The following LIMK2 variants were observed in gnomAD, a reference collection of about 807,000 sequenced individuals.
LIMK2 encodes LIM domain kinase 2.
In LIMK2, 35 loss-of-function variants were observed where a neutral mutation model predicts 75.7. That is an observed-to-expected ratio of 0.46 (90% confidence interval 0.35 to 0.61). The LOEUF (loss-of-function observed/expected upper bound fraction) is 0.61, where lower values mean the gene tolerates loss of function less well. LIMK2 is among the 20% of genes least tolerant of loss of function. The pLI is 0.00. For missense variants in LIMK2, 623 were observed against 831.0 expected (o/e 0.75, Z 3.08); for synonymous variants, 301 against 319.2 (o/e 0.94, Z 0.61).
intron 1 of LIMK2, among the ~76,000 whole-genome samples, chr22:31,216,072 A>G (rs1329341671): frequency 2.0e-5 from 3 of 152,228 alleles, no homozygotes; most frequent in Non-Finnish European, 4.4e-5. Context: ...TCAGGGATAA[A>G]TCCATTGAAG....
At position 31,259,183 on chromosome 22, in the gene LIMK2, T is replaced by A. The variant is rs760288597; in HGVS notation, c.315T>A (p.Ile105=). 4 of 1,613,868 alleles carry A rather than the reference T, an allele frequency of 2.5e-6. No individual in the cohort carries two copies. Among genetic ancestry groups the A allele is most frequent in the Non-Finnish European group, 3.4e-6 (4 of 1,179,786 alleles). The part of the protein sequence containing the change: ...CFACMSCKVI[I]EDGDAYALVQ... The stretch of plus-strand genomic sequence containing the variant: ...CCTGTATGAGCTGCAAGGTGATCAT[T>A]GAGGATGGGGATGCATATGCACTGG... Residue 105 remains isoleucine (I), a synonymous_variant, in exon 4 of 16, where the codon ATT becomes ATA. Coordinates refer to ENST00000331728, the MANE Select transcript of LIMK2 (RefSeq NM_005569.4).
chr22:31,272,643 C>T lies in LIMK2; in HGVS notation c.1497C>T (p.Asp499=), dbSNP rs373368062. 2.3e-4 allele frequency: 373 copies of T among 1,613,800 alleles called. No individual in the cohort carries two copies. Among genetic ancestry groups the T allele is most frequent in the Non-Finnish European group, 3.1e-4 (368 of 1,179,966 alleles). ...AGAAACGCACCTTGCGCAAGAACGA[C>T]CGCAAGAAGCGCTACACGGTGGTGG... ...TTKKRTLRKN[D]RKKRYTVVGN... is the part of the protein sequence containing the mutation. The change falls in exon 13 of 16, where the codon GAC becomes GAT. Residue 499 remains aspartate, a synonymous_variant. Transcript: ENST00000331728.
intron 8 of LIMK2, among the ~76,000 whole-genome samples, chr22:31,266,505 C>A (rs1350203633): frequency 6.6e-6 from 1 of 152,128 alleles, no homozygotes; most frequent in African/African-American, 2.4e-5. Context: ...CTCTCTCTTT[C>A]TCTCCTCCTC....
At chr22:31,218,276 G>A (rs943097898) in intron 1 of LIMK2, among the ~76,000 whole-genome samples, 4 of 152,204 alleles carry the variant, frequency 2.6e-5, no homozygotes, top group Admixed American at 6.5e-5. Context: ...GGCAAACAGT[G>A]ACAGATTCAG....
At chr22:31,261,360 A>G (rs575861118) in intron 5 of LIMK2, among the ~76,000 whole-genome samples, 100 of 152,260 alleles carry the variant, frequency 6.6e-4, no homozygotes, top group Non-Finnish European at 9.6e-4. Flanking sequence ...ATCCTGGCTA[A>G]CACAATGAAA....
chr22:31,217,700 C>T (rs1279183738), intron 1 of LIMK2, among the ~76,000 whole-genome samples: 1 of 152,174 alleles, frequency 6.6e-6, no homozygotes, highest in Non-Finnish European at 1.5e-5. Flanking sequence ...TATAGGCCCT[C>T]CATAGATAAG....
intron 2 of LIMK2, among the ~76,000 whole-genome samples, chr22:31,244,590 C>G (rs1421641557): frequency 6.6e-6 from 1 of 152,018 alleles, no homozygotes; most frequent in Non-Finnish European, 1.5e-5. Flanking sequence ...CAACTTGAGA[C>G]CCAAGGAAAA....
intron 2 of LIMK2, chr22:31,248,371 C>G: frequency 1.5e-6 from 2 of 1,293,904 alleles, no homozygotes; most frequent in Non-Finnish European, 2.0e-6. Flanking sequence ...TTGACAGCAG[C>G]GCTTCTTTCT....
rs962034333 is a variant in LIMK2, at chr22:31,216,431, C to T, written c.16+4007C>T. Reference sequence around the variant, plus strand: ...GCAACCGGACTAGAGGGTTTAATGCCAGGCTGAGGATTTTGGAAGTTTCTA... The same window carrying T: ...GCAACCGGACTAGAGGGTTTAATGCTAGGCTGAGGATTTTGGAAGTTTCTA... On this transcript the variant is annotated intron_variant, in intron 1 of 15. Transcript: ENST00000331728. Among the ~76,000 whole-genome samples, 26 of 152,204 alleles carry T rather than the reference C, an allele frequency of 1.7e-4. No individual in the cohort carries two copies. The East Asian group carries it at 4.8e-3, about 28-fold the overall frequency.
chr22:31,255,913 C>T (rs1376357815), intron 2 of LIMK2, among the ~76,000 whole-genome samples: 2 of 142,980 alleles, frequency 1.4e-5, no homozygotes, highest in Non-Finnish European at 3.0e-5. Flanking sequence ...ATAAAGTGAG[C>T]TGCCATTACA....
chr22:31,212,495 C>T (rs2048355282), intron 1 of LIMK2, 71 bp downstream of exon 1: 1 of 1,301,928 alleles, frequency 7.7e-7, no homozygotes, highest in African/African-American at 1.5e-5. Context: ...CTGAGGGAAA[C>T]CGGCTGTCTC....
chr22:31,272,632 C>A lies in LIMK2; in HGVS notation c.1486C>A (p.Arg496Ser). ...GGCCACCACCAAGAAACGCACCTTG[C>A]GCAAGAACGACCGCAAGAAGCGCTA... Reference protein sequence around the residue: ...EKATTKKRTLRKNDRKKRYTV... With the variant: ...EKATTKKRTLSKNDRKKRYTV... The change falls in exon 13 of 16, where the codon CGC becomes AGC. Residue 496 changes from arginine (R) to serine (S), a missense_variant. Around this residue, in one of 3 missense-constraint regions of LIMK2, gnomAD observed 514 missense variants for 661.3 expected, o/e 0.78. Coordinates refer to ENST00000331728, the MANE Select transcript of LIMK2 (RefSeq NM_005569.4). 6.2e-7 allele frequency: 1 copy of A among 1,613,978 alleles called. No homozygotes were observed. Among genetic ancestry groups the A allele is most frequent in the Non-Finnish European group, 8.5e-7 (1 of 1,179,984 alleles).
chr22:31,274,020 T>TA (rs991129245), intron 14 of LIMK2, among the ~76,000 whole-genome samples: 9 of 149,394 alleles, frequency 6.0e-5, no homozygotes, highest in South Asian at 2.1e-4. Flanking sequence ...TTTTTTTTTT[T>TA]AGTTGAGGAA....
At chr22:31,242,823 CACTG>C (rs2048634131) in intron 2 of LIMK2, among the ~76,000 whole-genome samples, 2 of 152,246 alleles carry the variant, frequency 1.3e-5, no homozygotes, top group Admixed American at 1.3e-4. Context: ...CTCTGTAAAA[CACTG>C]ACTGAGTTCC....
intron 7 of LIMK2, among the ~76,000 whole-genome samples, chr22:31,265,184 A>G (rs1444163497): frequency 1.1e-5 from 1 of 88,090 alleles, no homozygotes; most frequent in Non-Finnish European, 2.0e-5. Context: ...ACAGAGTGAG[A>G]CTCCATCAAA....
intron 2 of LIMK2, among the ~76,000 whole-genome samples, chr22:31,229,624 C>G (rs982644896): frequency 6.6e-6 from 1 of 152,152 alleles, no homozygotes. Flanking sequence ...GCTACAGTTA[C>G]AATAAAGGAA....
chr22:31,264,315 C>T (rs1054023117), intron 7 of LIMK2, among the ~76,000 whole-genome samples: 1 of 152,116 alleles, frequency 6.6e-6, no homozygotes, highest in Admixed American at 6.6e-5. Context: ...AGCAAAAGGA[C>T]AAGGGTAAGT....
chr22:31,279,949 T>A lies in LIMK2; in HGVS notation c.*1508T>A, dbSNP rs529465576. ...CTTGCTTTAGGGCTGAGCCCTGGAC[T>A]CCCAGCAGCAGCACAGTTCAGCATT... is the stretch of plus-strand genomic sequence containing the variant. On this transcript the variant is annotated 3_prime_UTR_variant, in exon 16 of 16. Transcript: ENST00000331728. The A allele has an allele frequency of 6.6e-6, 1 of 152,470 alleles. No homozygotes were observed. The highest frequency in any genetic ancestry group is 2.4e-5 in the African/African-American group (1 of 41,582). The allele number at this position is 152,470 out of a possible 1,614,324, so 9.4% of individuals were successfully genotyped here.
intron 1 of LIMK2, among the ~76,000 whole-genome samples, chr22:31,219,318 A>C (rs1056955675): frequency 5.9e-5 from 9 of 152,178 alleles, no homozygotes; most frequent in African/African-American, 2.2e-4. Context: ...AAGCATTCAT[A>C]AAGTGAATGT....
Sources: gnomAD v4.1 joint callset for allele counts (sites outside exome capture counted in the v4.1 genomes callset) on GRCh38, gnomAD v4.1.1 for gene constraint, gnomAD v4.1.1 regional missense constraint, MANE v1.5 for transcripts, NCBI Gene and HGNC (gene_info 2026-07-23, HGNC 2026-07-21) for gene names.